Variants in ARHGEF3 observed in about 807,000 individuals in gnomAD.
ARHGEF3 encodes the protein 59.8 kDA protein.
ARHGEF3 carries 28 observed loss-of-function variants against 63.2 expected under a neutral mutation model. The observed-to-expected ratio is 0.44, with a 90% confidence interval of 0.33 to 0.61. ARHGEF3 has a LOEUF of 0.61. ARHGEF3 is among the 20% of genes least tolerant of loss of function. ARHGEF3 has a pLI of 0.03. For missense variants in ARHGEF3, 533 were observed against 659.3 expected, an observed-to-expected ratio of 0.81 and a Z score of 2.10; for synonymous variants, 266 against 254.2, an observed-to-expected ratio of 1.05 and a Z score of -0.44.
At chr3:56,766,682 G>C (rs2035721983) in intron 2 of ARHGEF3, among the ~76,000 whole-genome samples, 1 of 152,188 alleles carries the variant, frequency 6.6e-6, no homozygotes, top group Non-Finnish European at 1.5e-5. Context: ...GGATATCACA[G>C]CAAAGAGAAA....
chr3:56,972,551 G>A (rs1294666191), intron 2 of ARHGEF3, among the ~76,000 whole-genome samples: 1 of 152,052 alleles, frequency 6.6e-6, no homozygotes, highest in East Asian at 1.9e-4. Context: ...CGGGGGTGGT[G>A]GGAGTAGCTG....
chr3:56,877,376 C>CTTTTTTTTTTTTTTTTTTTTT (rs755860299), intron 4 of ARHGEF3, among the ~76,000 whole-genome samples: 1 of 136,962 alleles, frequency 7.3e-6, no homozygotes, highest in Non-Finnish European at 1.6e-5. Flanking sequence ...TACTATAATC[C>CTTTTTTTTTTTTTTTTTTTTT]TTTTTTTTTT....
At chr3:56,931,371 T>C (rs918692594) in intron 3 of ARHGEF3, among the ~76,000 whole-genome samples, 1 of 151,346 alleles carries the variant, frequency 6.6e-6, no homozygotes, top group African/African-American at 2.4e-5. Context: ...AGCCCAAGAG[T>C]TCAAGACTGT....
At chr3:56,928,243 T>C (rs889657989) in intron 3 of ARHGEF3, among the ~76,000 whole-genome samples, 7 of 152,146 alleles carry the variant, frequency 4.6e-5, no homozygotes, top group Admixed American at 3.9e-4. Context: ...CCAGGCACCA[T>C]GTTGAGTGTC....
chr3:56,918,229 C>T (rs2042034575), intron 3 of ARHGEF3, among the ~76,000 whole-genome samples: 1 of 152,208 alleles, frequency 6.6e-6, no homozygotes, highest in Admixed American at 6.5e-5. Context: ...GGCTCCATCA[C>T]CCAGCCATTC....
At chr3:56,737,495 G>GA (rs11443478) in intron 7 of ARHGEF3, 140 bp from the exon 8 acceptor site, 229,282 of 455,228 alleles carry the variant, frequency 0.5, 32,963 homozygotes, top group African/African-American at 0.76. Context: ...TGGGAAAAGA[G>GA]AAAAAAAAAA....
At chr3:56,737,396 G>A in intron 7 of ARHGEF3, 41 bp from the exon 8 acceptor site, 5 of 1,542,550 alleles carry the variant, frequency 3.2e-6, no homozygotes, top group Non-Finnish European at 3.6e-6. Context: ...GAGGAAAGCA[G>A]CAAACCATTC....
intron 1 of ARHGEF3, chr3:56,775,003 T>C: frequency 5.2e-6 from 8 of 1,532,900 alleles, no homozygotes; most frequent in Non-Finnish European, 7.0e-6. Context: ...GAGTTACCCT[T>C]GTCCTCCTAA....
intron 2 of ARHGEF3, among the ~76,000 whole-genome samples, chr3:56,969,241 T>C (rs1700799620): frequency 1.3e-5 from 2 of 148,354 alleles, no homozygotes; most frequent in South Asian, 4.2e-4. Context: ...AGGACTACCC[T>C]ATTCAAAACA....
chr3:57,003,663 G>T (rs915326843), intron 2 of ARHGEF3, among the ~76,000 whole-genome samples: 2 of 152,098 alleles, frequency 1.3e-5, no homozygotes, highest in Admixed American at 6.6e-5. Context: ...CTTGAGATGG[G>T]GTGTATCGTG....
intron 2 of ARHGEF3, among the ~76,000 whole-genome samples, chr3:57,031,416 A>G (rs1302693890): frequency 6.6e-6 from 1 of 152,190 alleles, no homozygotes; most frequent in African/African-American, 2.4e-5. Flanking sequence ...TTTACTGGGT[A>G]CTGACTATAT....
chr3:56,743,822 C>A (rs1318686098), intron 7 of ARHGEF3, among the ~76,000 whole-genome samples: 1 of 152,138 alleles, frequency 6.6e-6, no homozygotes, highest in Admixed American at 6.5e-5. Context: ...CCCACTGCCA[C>A]CTCCTTGATC....
intron 2 of ARHGEF3, among the ~76,000 whole-genome samples, chr3:56,970,605 G>A (rs1192000335): frequency 6.6e-6 from 1 of 152,182 alleles, no homozygotes; most frequent in African/African-American, 2.4e-5. Flanking sequence ...CTGTCTCTGT[G>A]CTCAGAGATT....
At position 56,792,113 on chromosome 3, in the gene ARHGEF3, A is replaced by AAAAAAAAAAAAG. The variant is rs55899473; in HGVS notation, c.96+9589_96+9590insCTTTTTTTTTTT. Among the ~76,000 whole-genome samples, 1,021 of 139,924 alleles carry AAAAAAAAAAAAG rather than the reference A, an allele frequency of 7.3e-3. 13 individuals are homozygous for AAAAAAAAAAAAG. The highest frequency in any genetic ancestry group is 0.012 in the Non-Finnish European group (782 of 66,594). 91.8% of individuals were successfully genotyped at this position (139,924 alleles called of 152,430 possible). ...AGTGAGACTCTGTCTCAAAAAAAAA[A>AAAAAAAAAAAAG]AAAAGAAAAGAAAAGAAAAGAAAAG... On this transcript the variant is annotated intron_variant, in intron 1 of 9. Transcript: ENST00000296315.
chr3:56,958,712 G>T, intron 3 of ARHGEF3: 1 of 1,159,576 alleles, frequency 8.6e-7, no homozygotes, highest in Non-Finnish European at 1.2e-6. Context: ...ATGCGCTCCT[G>T]ATGGAGACTT....
At chr3:57,003,567 G>T (rs1239313019) in intron 2 of ARHGEF3, among the ~76,000 whole-genome samples, 1 of 152,050 alleles carries the variant, frequency 6.6e-6, no homozygotes, top group Admixed American at 6.6e-5. Flanking sequence ...GCCCCCAAAA[G>T]ATGTCCCCAT....
At chr3:56,812,036 C>T (rs1191552609) in intron 4 of ARHGEF3, among the ~76,000 whole-genome samples, 4 of 152,208 alleles carry the variant, frequency 2.6e-5, no homozygotes, top group Non-Finnish European at 5.9e-5. Context: ...TCTTGCTCAT[C>T]ACAGTAGCCC....
At chr3:56,955,030 G>A (rs1476575433) in intron 3 of ARHGEF3, among the ~76,000 whole-genome samples, 1 of 152,010 alleles carries the variant, frequency 6.6e-6, no homozygotes, top group Admixed American at 6.6e-5. Flanking sequence ...TTGCCTACCA[G>A]CTTCTCCCAC....
At chr3:56,819,048 A>T (rs1048083233) in intron 4 of ARHGEF3, among the ~76,000 whole-genome samples, 2 of 152,086 alleles carry the variant, frequency 1.3e-5, no homozygotes, top group Non-Finnish European at 2.9e-5. Flanking sequence ...AACTTAAAGA[A>T]TTTTTTTATA....
Sources: allele counts gnomAD v4.1 joint callset (sites outside exome capture counted in the v4.1 genomes callset), GRCh38; gene constraint gnomAD v4.1.1; transcripts MANE v1.5; gene names NCBI Gene and HGNC (gene_info 2026-07-23, HGNC 2026-07-21).